Variants in MYRIP observed in about 807,000 individuals in gnomAD.
MYRIP encodes myosin VIIA and Rab interacting protein.
Under a neutral mutation model 98.0 loss-of-function variants are expected in MYRIP, and 49 were observed. That is an observed-to-expected ratio of 0.50 (90% CI 0.40 to 0.63). The LOEUF (loss-of-function observed/expected upper bound fraction) is 0.63. Among genes scored for constraint, MYRIP ranks in the 30% least tolerant of loss-of-function variants. The probability of loss-of-function intolerance (pLI) is 0.00; values close to 1 mark genes in which losing one functional copy is unlikely to be tolerated. For synonymous variants in MYRIP, 404 were observed against 409.5 expected, an observed-to-expected ratio of 0.99 and a Z score of 0.16; for missense variants, 1,004 against 1,058.2, an observed-to-expected ratio of 0.95 and a Z score of 0.71.
chr3:39,846,833 G>A (rs1236747301), intron 1 of MYRIP, among the ~76,000 whole-genome samples: 3 of 152,174 alleles, frequency 2.0e-5, no homozygotes, highest in African/African-American at 7.2e-5. Flanking sequence ...GTGTGGGCCA[G>A]CAGCTTGAGA....
intron 2 of MYRIP, among the ~76,000 whole-genome samples, chr3:40,027,397 T>A (rs938197888): frequency 6.6e-6 from 1 of 152,078 alleles, no homozygotes; most frequent in African/African-American, 2.4e-5. Flanking sequence ...ACATCCTCCA[T>A]AACTTCCCCC....
intron 2 of MYRIP, among the ~76,000 whole-genome samples, chr3:39,921,481 A>AG (rs1399253364): frequency 1.3e-5 from 2 of 152,168 alleles, no homozygotes; most frequent in African/African-American, 4.8e-5. Flanking sequence ...TTTTTGAGGG[A>AG]GGGGGTTGAA....
chr3:39,849,218 G>C (rs1158569738), intron 1 of MYRIP, among the ~76,000 whole-genome samples: 5 of 152,142 alleles, frequency 3.3e-5, no homozygotes, highest in Non-Finnish European at 7.3e-5. Flanking sequence ...GCTGTCCACT[G>C]TAATCCTAAA....
At chr3:39,997,807 C>G (rs896325357) in intron 2 of MYRIP, among the ~76,000 whole-genome samples, 2 of 152,152 alleles carry the variant, frequency 1.3e-5, no homozygotes, top group Non-Finnish European at 2.9e-5. Context: ...CAAACGAAAT[C>G]CAGCAGCACG....
At position 40,167,253 on chromosome 3, in the gene MYRIP, G is replaced by A. The variant is rs1266641583; in HGVS notation, c.729+14G>A. On this transcript the variant is annotated intron_variant, in intron 7 of 16. Transcript: ENST00000302541. ...ATCCTGCAGAAGGTAGGTGGGTCCTGGCAGTGGGATGGCTGCAGTTTCCTG... is the reference window on the plus strand; with the variant it reads ...ATCCTGCAGAAGGTAGGTGGGTCCTAGCAGTGGGATGGCTGCAGTTTCCTG... 9 of 1,613,456 alleles carry A rather than the reference G, an allele frequency of 5.6e-6. No homozygotes were observed. The highest frequency in any genetic ancestry group is 7.6e-6 in the Non-Finnish European group (9 of 1,179,600).
At chr3:39,845,627 A>T (rs1201167161) in intron 1 of MYRIP, among the ~76,000 whole-genome samples, 1 of 152,104 alleles carries the variant, frequency 6.6e-6, no homozygotes, top group African/African-American at 2.4e-5. Flanking sequence ...ATTTTGCAAG[A>T]GTTATTTTTA....
At chr3:40,067,732 A>C (rs536289630) in intron 3 of MYRIP, among the ~76,000 whole-genome samples, 1 of 149,832 alleles carries the variant, frequency 6.7e-6, no homozygotes, top group African/African-American at 2.5e-5. Context: ...TCTGGTACGC[A>C]CGAGATACCC....
At chr3:40,051,734 T>G (rs1250998964) in intron 3 of MYRIP, among the ~76,000 whole-genome samples, 2 of 152,150 alleles carry the variant, frequency 1.3e-5, no homozygotes, top group Non-Finnish European at 2.9e-5. Flanking sequence ...GCTTTGGTTT[T>G]TCTAAGAAAA....
At chr3:40,012,858 G>C (rs1319848234) in intron 2 of MYRIP, among the ~76,000 whole-genome samples, 1 of 152,064 alleles carries the variant, frequency 6.6e-6, no homozygotes. Context: ...GCAGATCATG[G>C]GAGTTCTCGG....
chr3:39,976,732 C>T (rs1374331275), intron 2 of MYRIP, among the ~76,000 whole-genome samples: 2 of 152,074 alleles, frequency 1.3e-5, no homozygotes, highest in Non-Finnish European at 2.9e-5. Flanking sequence ...AGGATGAGTT[C>T]CTTGTCCTTT....
At chr3:39,902,306 A>G (rs1396267243) in intron 2 of MYRIP, among the ~76,000 whole-genome samples, 1 of 152,228 alleles carries the variant, frequency 6.6e-6, no homozygotes, top group Non-Finnish European at 1.5e-5. Flanking sequence ...TGTCATGGAA[A>G]AGGTCACCAG....
At chr3:39,879,211 T>C (rs1321672815) in intron 1 of MYRIP, among the ~76,000 whole-genome samples, 1 of 151,886 alleles carries the variant, frequency 6.6e-6, no homozygotes, top group Non-Finnish European at 1.5e-5. Flanking sequence ...TGTTATCCTT[T>C]CTTATTCTAA....
chr3:40,175,000 G>A (rs1051930543), intron 8 of MYRIP, among the ~76,000 whole-genome samples: 18 of 151,970 alleles, frequency 1.2e-4, no homozygotes, highest in African/African-American at 3.4e-4. Flanking sequence ...AAAATTAGCC[G>A]GGCATGGTGG....
At chr3:40,096,668 G>T (rs963777137) in intron 3 of MYRIP, among the ~76,000 whole-genome samples, 1 of 152,178 alleles carries the variant, frequency 6.6e-6, no homozygotes, top group Non-Finnish European at 1.5e-5. Flanking sequence ...CAGCCCCAGG[G>T]GAGCTGCTAT....
chr3:39,870,062 AG>A (rs1027503081), intron 1 of MYRIP, among the ~76,000 whole-genome samples: 13 of 152,120 alleles, frequency 8.5e-5, no homozygotes, highest in Admixed American at 2.6e-4. Flanking sequence ...AGGGAACTGC[AG>A]GGGGGTTGCC....
At position 39,821,563 on chromosome 3, in the gene MYRIP, T is replaced by G. The variant is rs184255996; in HGVS notation, c.-31+11647T>G. ...ATGATTAATTCATTAACTTACAGCTTAGCTTCTTTCCTATATATGCATTTA... is the reference window on the plus strand; with the variant it reads ...ATGATTAATTCATTAACTTACAGCTGAGCTTCTTTCCTATATATGCATTTA... On this transcript the variant is annotated intron_variant, in intron 1 of 16. Transcript: ENST00000302541. Among the ~76,000 whole-genome samples, 33 of 152,272 alleles carry G rather than the reference T, an allele frequency of 2.2e-4. No individual in the cohort carries two copies. The East Asian group carries it at 3.9e-3, about 18-fold the overall frequency.
At chr3:40,160,207 CT>C (rs1390112982) in intron 4 of MYRIP, among the ~76,000 whole-genome samples, 1 of 152,204 alleles carries the variant, frequency 6.6e-6, no homozygotes, top group African/African-American at 2.4e-5. Flanking sequence ...AGTTTTCCTT[CT>C]AACAGACAGG....
In MYRIP at chr3:39,857,255, G is replaced by GAGGAAGGA. The variant is rs144396473; in HGVS notation, c.-30-43514_-30-43507dup. On this transcript the variant is annotated intron_variant, in intron 1 of 16. Transcript: ENST00000302541. Reference sequence around the variant, plus strand: ...AAAGATAACACAGGAGGGAGGGAGGGAGGAAGGAAGGAAGGAAGGAAGGAA... The same window carrying GAGGAAGGA: ...AAAGATAACACAGGAGGGAGGGAGGGAGGAAGGAAGGAAGGAAGGAAGGAAGGAAGGAA... Among the ~76,000 whole-genome samples, 18 of 135,972 alleles carry GAGGAAGGA rather than the reference G, an allele frequency of 1.3e-4. 1 individual carries two copies. The South Asian group carries it at 2.7e-3, about 20-fold the overall frequency. 89.2% of individuals were successfully genotyped at this position (135,972 alleles called of 152,430 possible).
chr3:39,996,260 C>A (rs561089654), intron 2 of MYRIP, among the ~76,000 whole-genome samples: 1 of 152,166 alleles, frequency 6.6e-6, no homozygotes, highest in East Asian at 1.9e-4. Context: ...GAGTCAAGAC[C>A]CATCTGTGTG....
Sources: allele counts gnomAD v4.1 joint callset (sites outside exome capture counted in the v4.1 genomes callset), GRCh38; gene constraint gnomAD v4.1.1; transcripts MANE v1.5; gene names NCBI Gene and HGNC (gene_info 2026-07-23, HGNC 2026-07-21).